PTPN4: variants seen among roughly 807,000 people sequenced by gnomAD.
The protein encoded by PTPN4 is protein tyrosine phosphatase non-receptor type 4.
A neutral mutation model predicts 135.5 loss-of-function variants in PTPN4; 49 were observed. That is an observed-to-expected ratio of 0.36 (90% CI 0.29 to 0.46). The LOEUF (loss-of-function observed/expected upper bound fraction) is 0.46. Ranked by LOEUF, PTPN4 falls within the 20% of genes least tolerant of loss-of-function variation. The pLI is 1.00. For synonymous variants in PTPN4, 333 were observed against 369.9 expected, an observed-to-expected ratio of 0.90 and a Z score of 1.14; for missense variants, 860 against 1,101.0, an observed-to-expected ratio of 0.78 and a Z score of 3.10.
At chr2:119,947,160 T>C (rs987916188) in intron 18 of PTPN4, among the ~76,000 whole-genome samples, 2 of 152,196 alleles carry the variant, frequency 1.3e-5, no homozygotes, top group South Asian at 2.1e-4. Flanking sequence ...CTGTTTTATA[T>C]AACAAGTATT....
intron 13 of PTPN4, among the ~76,000 whole-genome samples, chr2:119,931,772 A>G (rs992356830): frequency 9.9e-5 from 15 of 152,116 alleles, no homozygotes; most frequent in Non-Finnish European, 1.5e-4. Flanking sequence ...CTTAGTTTTC[A>G]TCTTTATCAT....
chr2:119,951,974 C>A lies in PTPN4; in HGVS notation c.1658C>A (p.Ala553Asp). The A allele has an allele frequency of 6.2e-7, 1 of 1,606,190 alleles. No individual in the cohort carries two copies. Among genetic ancestry groups the A allele is most frequent in the Non-Finnish European group, 8.5e-7 (1 of 1,176,152 alleles). Residue 553 changes from alanine (A) to aspartate (D), a missense_variant and splice_region_variant, in exon 19 of 27, where the codon GCT becomes GAT. Transcript: ENST00000263708. ...IVSRVAPGTP[A>D]DLCVPRLNEG... Reference sequence around the variant, plus strand: ...AACCTTATCTATATTATATTACAGGCTGACCTCTGTGTCCCTAGACTGAAT... The same window carrying A: ...AACCTTATCTATATTATATTACAGGATGACCTCTGTGTCCCTAGACTGAAT...
chr2:119,920,780 C>T (rs768219925), intron 12 of PTPN4, among the ~76,000 whole-genome samples: 20 of 152,018 alleles, frequency 1.3e-4, no homozygotes, highest in South Asian at 2.1e-4. Flanking sequence ...TTTTTCCTGA[C>T]GGCAACAAAT....
At chr2:119,916,934 G>T (rs1324323375) in intron 11 of PTPN4, among the ~76,000 whole-genome samples, 2 of 152,088 alleles carry the variant, frequency 1.3e-5, no homozygotes, top group Non-Finnish European at 2.9e-5. Context: ...GCCATTTCCA[G>T]GTTGGGGATA....
chr2:119,799,106 A>C (rs1223032905), intron 1 of PTPN4, among the ~76,000 whole-genome samples: 1 of 152,170 alleles, frequency 6.6e-6, no homozygotes, highest in Non-Finnish European at 1.5e-5. Flanking sequence ...TGAAGTTGTT[A>C]GGGACATTTG....
At chr2:119,965,424 A>T in intron 24 of PTPN4, 73 bp from the exon 25 acceptor site, 1 of 1,395,804 alleles carries the variant, frequency 7.2e-7, no homozygotes, top group Non-Finnish European at 9.7e-7. Flanking sequence ...TTTCCTGATG[A>T]ATTTTATGAG....
intron 10 of PTPN4, among the ~76,000 whole-genome samples, chr2:119,909,590 G>A (rs577428658): frequency 8.5e-5 from 13 of 152,256 alleles, no homozygotes; most frequent in African/African-American, 2.9e-4. Flanking sequence ...GAGTAATTTT[G>A]ACTTTCAAAT....
At chr2:119,877,204 C>T in intron 3 of PTPN4, 119 bp from the exon 4 acceptor site, 3 of 1,052,536 alleles carry the variant, frequency 2.9e-6, no homozygotes, top group Admixed American at 2.8e-5. Flanking sequence ...TTTTTCCTAC[C>T]TGGGCCTTTT....
Position 119,955,473 on chromosome 2 carries a change from G to C in PTPN4, c.1980+150G>C, listed in dbSNP as rs1574420005. 1.6e-5 allele frequency: 11 copies of C among 689,370 alleles called. No homozygotes were observed. The East Asian group carries it at 2.4e-4, about 15-fold the overall frequency. 42.7% of individuals were successfully genotyped at this position (689,370 alleles called of 1,614,324 possible). ...GACATAAAGAGTTCTAAAATGCCAA[G>C]TTTTAAAAATTGCTCCCAAAATACT... On this transcript the variant is annotated intron_variant, in intron 20 of 26. Coordinates refer to ENST00000263708, the MANE Select transcript of PTPN4 (RefSeq NM_002830.4).
chr2:119,853,999 A>G (rs1439888881), intron 2 of PTPN4, among the ~76,000 whole-genome samples: 2 of 151,932 alleles, frequency 1.3e-5, no homozygotes, highest in Non-Finnish European at 2.9e-5. Context: ...GCTCTGAACG[A>G]AGAGGAAAAC....
At chr2:119,836,988 A>G (rs912208462) in intron 2 of PTPN4, among the ~76,000 whole-genome samples, 2 of 152,214 alleles carry the variant, frequency 1.3e-5, no homozygotes. Flanking sequence ...TGATGGCGGC[A>G]GGAAGCTGAC....
At chr2:119,844,992 T>G (rs950302525) in intron 2 of PTPN4, among the ~76,000 whole-genome samples, 1,876 of 150,308 alleles carry the variant, frequency 0.012, 40 homozygotes, top group African/African-American at 0.041. Flanking sequence ...AGACTCCATC[T>G]GCAATCCCGG....
At chr2:119,851,186 G>A (rs1677585484) in intron 2 of PTPN4, among the ~76,000 whole-genome samples, 2 of 152,136 alleles carry the variant, frequency 1.3e-5, no homozygotes, top group South Asian at 4.1e-4. Flanking sequence ...TGTTTTTGGG[G>A]AGGTTTGCTT....
At chr2:119,774,606 A>G (rs1366288643) in intron 1 of PTPN4, among the ~76,000 whole-genome samples, 1 of 152,232 alleles carries the variant, frequency 6.6e-6, no homozygotes, top group Non-Finnish European at 1.5e-5. Flanking sequence ...TGAAGGATCT[A>G]AAGCTGGAGA....
chr2:119,888,426 T>G (rs1323137636), intron 9 of PTPN4, among the ~76,000 whole-genome samples: 1 of 152,166 alleles, frequency 6.6e-6, no homozygotes, highest in Non-Finnish European at 1.5e-5. Context: ...CTTTTTCCAG[T>G]TCTTAGGGGG....
At chr2:119,941,646 G>A (rs1234173671) in intron 15 of PTPN4, among the ~76,000 whole-genome samples, 1 of 152,176 alleles carries the variant, frequency 6.6e-6, no homozygotes, top group African/African-American at 2.4e-5. Context: ...ACATAAGACA[G>A]TGAGAAGGCA....
At chr2:119,877,278 T>C in intron 3 of PTPN4, 45 bp from the exon 4 acceptor site, 1 of 1,579,156 alleles carries the variant, frequency 6.3e-7, no homozygotes, top group Non-Finnish European at 8.6e-7. Context: ...AATATAGTAG[T>C]TCCTCAAGGA....
At chr2:119,965,397 T>G (rs1679431878) in intron 24 of PTPN4, 100 bp from the exon 25 acceptor site, 7 of 1,170,380 alleles carry the variant, frequency 6.0e-6, no homozygotes, top group Non-Finnish European at 8.3e-6. Context: ...TTTAGTTTTC[T>G]ATCTCCCCCT....
At chr2:119,853,859 G>A (rs1677633361) in intron 2 of PTPN4, among the ~76,000 whole-genome samples, 1 of 152,134 alleles carries the variant, frequency 6.6e-6, no homozygotes, top group Non-Finnish European at 1.5e-5. Context: ...AGGAACACCA[G>A]GGTCCTTTGT....
Sources: gnomAD v4.1 joint callset for allele counts (sites outside exome capture counted in the v4.1 genomes callset) on GRCh38, gnomAD v4.1.1 for gene constraint, MANE v1.5 for transcripts, NCBI Gene and HGNC (gene_info 2026-07-23, HGNC 2026-07-21) for gene names.